The following OSMR variants were observed in gnomAD, a reference collection of about 807,000 sequenced individuals.
OSMR encodes the protein oncostatin M receptor, also known as oncostatin-M-specific receptor subunit beta.
In OSMR, 81 loss-of-function variants were observed where a neutral mutation model predicts 99.9. That is an observed-to-expected ratio of 0.81 (90% CI 0.68 to 0.97). The LOEUF is 0.97. Among genes scored for constraint, OSMR ranks in the 50% least tolerant of loss-of-function variants. The pLI is 0.00. For missense variants in OSMR, 1,099 were observed against 1,153.4 expected (o/e 0.95, Z 0.68); for synonymous variants, 406 against 410.4 (o/e 0.99, Z 0.13).
At chr5:38,892,559 A>G (rs937412811) in intron 7 of OSMR, among the ~76,000 whole-genome samples, 8 of 152,140 alleles carry the variant, frequency 5.3e-5, no homozygotes, top group Admixed American at 2.0e-4. Context: ...CACCACCGTA[A>G]CCAACATCCA....
chr5:38,945,080 A>G (rs751081429), exon 3 of OSMR: 2 of 1,570,584 alleles, frequency 1.3e-6, no homozygotes, highest in Non-Finnish European at 1.7e-6. Context: ...TGAAGAAAAA[A>G]ATAATTATTT....
intron 1 of OSMR, among the ~76,000 whole-genome samples, chr5:38,855,452 C>G (rs1414547990): frequency 2.0e-5 from 3 of 152,084 alleles, no homozygotes; most frequent in Non-Finnish European, 4.4e-5. Context: ...ACTATTGATA[C>G]AGACCACCAG....
chr5:38,904,332 T>A (rs1409416507), intron 8 of OSMR, 21 bp from the exon 9 acceptor site: 2 of 1,611,948 alleles, frequency 1.2e-6, no homozygotes, highest in Non-Finnish European at 1.7e-6. Flanking sequence ...TTTTCTTTTC[T>A]TCTCTTTTTT....
chr5:38,886,474 C>A (rs984091677), intron 7 of OSMR: 4 of 516,938 alleles, frequency 7.7e-6, no homozygotes, highest in Non-Finnish European at 1.2e-5. Flanking sequence ...AACGCCCCCA[C>A]CTTCGCTCCT....
chr5:38,938,164 T>C (rs116898658), downstream of OSMR: 22 of 218,534 alleles, frequency 1.0e-4, no homozygotes, highest in East Asian at 1.5e-3. Flanking sequence ...AGTTATACAA[T>C]ATAAATCAGA....
At chr5:38,943,281 C>A (rs1747805163) in intron 1 of OSMR, 1 of 200,608 alleles carries the variant, frequency 5.0e-6, no homozygotes, top group South Asian at 1.6e-4. Context: ...AAAATATGTT[C>A]CAAATTAAGT....
At chr5:38,915,246 CTAATT>C (rs1488829189) in intron 9 of OSMR, among the ~76,000 whole-genome samples, 2 of 152,182 alleles carry the variant, frequency 1.3e-5, no homozygotes, top group South Asian at 2.1e-4. Flanking sequence ...ATAACCAACT[CTAATT>C]TAATGAAATC....
At chr5:38,860,773 A>G (rs1298553674) in intron 1 of OSMR, among the ~76,000 whole-genome samples, 2 of 152,170 alleles carry the variant, frequency 1.3e-5, no homozygotes, top group African/African-American at 2.4e-5. Context: ...CCTGGGTTCA[A>G]GTGATTCTAC....
At chr5:38,945,332 G>C (rs1437153103), downstream of OSMR, 4 of 623,914 alleles carry the variant, frequency 6.4e-6, no homozygotes, top group East Asian at 1.1e-4. Context: ...AACCGTGAGA[G>C]GATCAGCATC....
rs746933216 is a variant in OSMR, at chr5:38,885,499, GTTACATTA to G, written c.839+18_839+25del. On this transcript the variant is annotated intron_variant, in intron 6 of 17. Coordinates refer to ENST00000274276, the MANE Select transcript of OSMR (RefSeq NM_003999.3). ...TTATTTGAATCGTAAGTTGGCTCTGGTTACATTATTGACAACTTCTTCCTTGCTTGAGG... is the reference window on the plus strand; with the variant it reads ...TTATTTGAATCGTAAGTTGGCTCTGGTTGACAACTTCTTCCTTGCTTGAGG... The G allele has an allele frequency of 1.9e-6, 3 of 1,613,776 alleles. No homozygotes were observed. In the South Asian group the frequency reaches 3.3e-5, roughly 18 times the overall value.
Position 38,933,504 on chromosome 5 carries a change from C to G in OSMR, c.*60C>G. 1 of 1,583,640 alleles carries G rather than the reference C, an allele frequency of 6.3e-7. No homozygotes were observed. The highest frequency in any genetic ancestry group is 8.7e-7 in the Non-Finnish European group (1 of 1,155,036). On this transcript the variant is annotated 3_prime_UTR_variant, in exon 18 of 18. Coordinates refer to ENST00000274276, the MANE Select transcript of OSMR (RefSeq NM_003999.3). ...ACATTAAGAAGAGCAGAGCTGGCAC[C>G]CTGTCATCACCAGTGGCCTTGGTCC... is the stretch of plus-strand genomic sequence containing the variant.
At chr5:38,849,892 T>A (rs1740220426) in intron 1 of OSMR, among the ~76,000 whole-genome samples, 1 of 152,206 alleles carries the variant, frequency 6.6e-6, no homozygotes, top group South Asian at 2.1e-4. Flanking sequence ...TTGTGAGGAT[T>A]CAATTAATAA....
intron 7 of OSMR, among the ~76,000 whole-genome samples, chr5:38,889,230 T>C (rs1414803297): frequency 6.6e-6 from 1 of 152,128 alleles, no homozygotes; most frequent in Non-Finnish European, 1.5e-5. Flanking sequence ...GTTTTTTGAA[T>C]TATAGTTTTT....
chr5:38,916,623 A>G (rs961087345), intron 9 of OSMR, among the ~76,000 whole-genome samples: 3 of 152,204 alleles, frequency 2.0e-5, no homozygotes, highest in African/African-American at 7.2e-5. Context: ...ATACATAGGT[A>G]CCCAGAGTTG....
chr5:38,925,061 G>A (rs1402981416), intron 14 of OSMR, 143 bp from the exon 15 acceptor site: 1 of 1,492,926 alleles, frequency 6.7e-7, no homozygotes, highest in African/African-American at 1.4e-5. Flanking sequence ...ATGAAATTAT[G>A]ATTTGATTTT....
In OSMR at chr5:38,923,850, G is replaced by A. The variant is rs578231574; in HGVS notation, c.1871-572G>A. On this transcript the variant is annotated intron_variant, in intron 13 of 17. Coordinates refer to ENST00000274276, the MANE Select transcript of OSMR (RefSeq NM_003999.3). ...GCAGGCAGGAGGTGTGTGACCTTGT[G>A]TGCACGGTCCAAGTGTGCATAAGCG... is the stretch of plus-strand genomic sequence containing the variant. Among the ~76,000 whole-genome samples the A allele has an allele frequency of 3.3e-5, 5 of 152,300 alleles. No individual in the cohort carries two copies. The South Asian group carries it at 8.3e-4, about 25-fold the overall frequency.
intron 15 of OSMR, 114 bp downstream of exon 15, chr5:38,925,485 C>A: frequency 1.1e-6 from 1 of 871,264 alleles, no homozygotes; most frequent in Admixed American, 1.9e-5. Flanking sequence ...CTTTCTTCTC[C>A]CCTTCTCACC....
At chr5:38,849,270 C>T (rs1740160183) in intron 1 of OSMR, among the ~76,000 whole-genome samples, 1 of 152,152 alleles carries the variant, frequency 6.6e-6, no homozygotes, top group African/African-American at 2.4e-5. Context: ...CCTTTTTCCA[C>T]TTGATAGATA....
chr5:38,940,595 TGAA>T (rs1747457339), downstream of OSMR: 2 of 232,690 alleles, frequency 8.6e-6, no homozygotes, highest in Non-Finnish European at 1.7e-5. Context: ...AGAGAAAATC[TGAA>T]GAACCACTTT....
Sources: allele counts gnomAD v4.1 joint callset (sites outside exome capture counted in the v4.1 genomes callset), GRCh38; gene constraint gnomAD v4.1.1; transcripts MANE v1.5; gene names NCBI Gene and HGNC (gene_info 2026-07-23, HGNC 2026-07-21).